ECE1: variants seen among roughly 807,000 people sequenced by gnomAD.
The protein encoded by ECE1 is endothelin converting enzyme 1, also known as endothelin-converting enzyme 1.
Under a neutral mutation model 98.6 loss-of-function variants are expected in ECE1, and 35 were observed. The observed-to-expected ratio is 0.35, with a 90% CI of 0.27 to 0.47. The LOEUF (loss-of-function observed/expected upper bound fraction) is 0.47, where lower values mean the gene tolerates loss of function less well. ECE1 is among the 20% of genes least tolerant of loss of function. ECE1 has a pLI of 1.00. For missense variants in ECE1, 814 were observed against 1,025.3 expected, an observed-to-expected ratio of 0.79 and a Z score of 2.81; for synonymous variants, 394 against 407.1, an observed-to-expected ratio of 0.97 and a Z score of 0.39.
intron 14 of ECE1, among the ~76,000 whole-genome samples, chr1:21,230,739 T>A (rs2098180723): frequency 6.6e-6 from 1 of 152,028 alleles, no homozygotes; most frequent in African/African-American, 2.4e-5. Context: ...GACTGCAGAA[T>A]CAGATATGAG....
chr1:21,236,383 C>T (rs1294817267), intron 12 of ECE1, among the ~76,000 whole-genome samples: 1 of 152,158 alleles, frequency 6.6e-6, no homozygotes, highest in African/African-American at 2.4e-5. Flanking sequence ...GGCGCGGTGG[C>T]TTATGCCTAT....
intron 14 of ECE1, among the ~76,000 whole-genome samples, chr1:21,232,231 G>C (rs1300519896): frequency 6.6e-6 from 1 of 152,120 alleles, no homozygotes; most frequent in African/African-American, 2.4e-5. Flanking sequence ...GGAATGGAAG[G>C]ACCTTGGACT....
chr1:21,281,512 T>C (rs562171452), intron 2 of ECE1, among the ~76,000 whole-genome samples: 1 of 152,190 alleles, frequency 6.6e-6, no homozygotes, highest in Admixed American at 6.5e-5. Flanking sequence ...CACTTTACCT[T>C]GGTCTCTGGT....
chr1:21,255,808 G>T, intron 8 of ECE1, 139 bp downstream of exon 8: 3 of 943,112 alleles, frequency 3.2e-6, no homozygotes, highest in Non-Finnish European at 3.2e-6. Context: ...TCCATCTGTG[G>T]ACTGGGCATA....
At chr1:21,344,179 G>T (rs534170457) in intron 1 of ECE1, among the ~76,000 whole-genome samples, 4 of 152,182 alleles carry the variant, frequency 2.6e-5, no homozygotes, top group African/African-American at 7.2e-5. Context: ...GAGATGGGGG[G>T]GCGGGTTGTA....
intron 4 of ECE1, among the ~76,000 whole-genome samples, chr1:21,269,808 G>A (rs2103316616): frequency 6.6e-6 from 1 of 152,354 alleles, no homozygotes; most frequent in East Asian, 1.9e-4. Context: ...GGCCACACGA[G>A]TGATAAGCAG....
chr1:21,311,531 T>A (rs984034975), intron 1 of ECE1, among the ~76,000 whole-genome samples: 107 of 88,182 alleles, frequency 1.2e-3, no homozygotes, highest in Non-Finnish European at 2.1e-3. Context: ...AAAAAAAAAA[T>A]TAGCCTGGTG....
chr1:21,301,827 G>GAAAAAA (rs34861827), intron 1 of ECE1, among the ~76,000 whole-genome samples: 6 of 33,944 alleles, frequency 1.8e-4, no homozygotes, highest in African/African-American at 6.1e-4. Flanking sequence ...CCCTGTCTCA[G>GAAAAAA]AAAAAAAAAA....
intron 1 of ECE1, among the ~76,000 whole-genome samples, chr1:21,306,614 T>C (rs565310637): frequency 3.8e-4 from 58 of 152,302 alleles, no homozygotes; most frequent in African/African-American, 1.4e-3. Flanking sequence ...ATTACAGGCC[T>C]GAGCCACTGC....
intron 15 of ECE1, 37 bp downstream of exon 15, chr1:21,227,894 G>A: frequency 1.3e-6 from 2 of 1,516,348 alleles, no homozygotes; most frequent in Non-Finnish European, 1.8e-6. Flanking sequence ...TGGGCTGGGG[G>A]AAAAGAATTG....
chr1:21,247,386 G>T, intron 8 of ECE1, 23 bp from the exon 9 acceptor site: 1 of 1,614,176 alleles, frequency 6.2e-7, no homozygotes, highest in Non-Finnish European at 8.5e-7. Flanking sequence ...AGGACAGTGT[G>T]ACCCTGTGGG....
At position 21,235,752 on chromosome 1, in the gene ECE1, C is replaced by A; in HGVS notation, c.1566+98G>T. 8.0e-7 allele frequency: 1 copy of A among 1,246,792 alleles called. No homozygotes were observed. The highest frequency in any genetic ancestry group is 1.2e-6 in the Non-Finnish European group (1 of 846,386). 77.2% of individuals were successfully genotyped at this position (1,246,792 alleles called of 1,614,324 possible). ...CATCATCCCTGTGTGTTTTGACAAC[C>A]ATGCTGCCTCTAGCACCCCATCTGG... On this transcript the variant is annotated intron_variant, in intron 13 of 18. Coordinates refer to ENST00000374893, the MANE Select transcript of ECE1 (RefSeq NM_001397.3). The surrounding 1 kb of genome is among the most constrained non-coding windows in gnomAD (Gnocchi z 4.2).
At position 21,235,901 on chromosome 1, in the gene ECE1, T is replaced by C; in HGVS notation, c.1515A>G (p.Gly505=). 6.8e-6 allele frequency: 11 copies of C among 1,614,202 alleles called. No homozygotes were observed. The highest frequency in any genetic ancestry group is 8.5e-6 in the Non-Finnish European group (10 of 1,180,050). The change falls in exon 13 of 19, where the codon GGA becomes GGG. Residue 505 remains glycine (G), a synonymous_variant. Coordinates refer to ENST00000374893, the MANE Select transcript of ECE1 (RefSeq NM_001397.3). This position sits in a 1 kb window ranked among gnomAD's most constrained non-coding sequence, Gnocchi z 4.2. Reference sequence around the variant, plus strand: ...TGGGATCCATGATGAAGTTGGGGTATCCTATCATGTTGTAGATGGCATCGG... The same window carrying C: ...TGGGATCCATGATGAAGTTGGGGTACCCTATCATGTTGTAGATGGCATCGG... ...EKADAIYNMI[G]YPNFIMDPKE... is the part of the protein sequence containing the mutation.
At chr1:21,246,778 T>A (rs911708845) in intron 9 of ECE1, among the ~76,000 whole-genome samples, 11 of 152,228 alleles carry the variant, frequency 7.2e-5, no homozygotes, top group Middle Eastern at 3.4e-3. Context: ...CACTTCAGCC[T>A]CCCTCTCAAG....
At chr1:21,342,881 T>A (rs1639428504) in intron 1 of ECE1, among the ~76,000 whole-genome samples, 1 of 152,214 alleles carries the variant, frequency 6.6e-6, no homozygotes, top group Admixed American at 6.5e-5. Context: ...ACCCCATGCA[T>A]GCACCGCCGG....
rs965756593 is a variant in ECE1 at position 21,220,649 on chromosome 1, T to C, written c.2137-518A>G. ...CTGTCTCTACTAAAAATACAAAAAT[T>C]AGATGGGCGTGGTGGTGCGTGCCTA... On this transcript the variant is annotated intron_variant, in intron 18 of 18. Coordinates refer to ENST00000374893, the MANE Select transcript of ECE1 (RefSeq NM_001397.3). The surrounding 1 kb of genome is among the most constrained non-coding windows in gnomAD (Gnocchi z 5.0). 2.6e-5 allele frequency among the ~76,000 whole-genome samples: 4 copies of C among 151,682 alleles called. No individual in the cohort carries two copies. Among genetic ancestry groups the C allele is most frequent in the African/African-American group, 4.8e-5 (2 of 41,272 alleles).
intron 1 of ECE1, chr1:21,298,586 G>A (rs958069770): frequency 1.3e-5 from 5 of 374,988 alleles, no homozygotes; most frequent in Non-Finnish European, 2.1e-5. Flanking sequence ...CAGCACATGG[G>A]AGGGAAGGAA....
chr1:21,317,611 T>A (rs1325559434), intron 1 of ECE1, among the ~76,000 whole-genome samples: 1 of 152,214 alleles, frequency 6.6e-6, no homozygotes, highest in Non-Finnish European at 1.5e-5. Flanking sequence ...GACTTTGTGT[T>A]CCTGGCCTTC....
chr1:21,281,941 C>T (rs2098255033), intron 2 of ECE1, among the ~76,000 whole-genome samples: 1 of 152,132 alleles, frequency 6.6e-6, no homozygotes, highest in African/African-American at 2.4e-5. Context: ...GTGATCCACC[C>T]GCCTCAGCCT....
Sources: allele counts gnomAD v4.1 joint callset (sites outside exome capture counted in the v4.1 genomes callset), GRCh38; gene constraint gnomAD v4.1.1; non-coding constraint Gnocchi (gnomAD v3.1); transcripts MANE v1.5; gene names NCBI Gene and HGNC (gene_info 2026-07-23, HGNC 2026-07-21).